Variants in PRSS55 observed in about 807,000 individuals in gnomAD.
PRSS55 encodes probable serine protease UNQ9391/PRO34284.
PRSS55 carries 41 observed loss-of-function variants against 23.6 expected under a neutral mutation model. The observed-to-expected ratio is 1.74, with a 90% CI of 1.35 to 2.26. PRSS55 has a LOEUF of 2.26. PRSS55 is among the 30% of genes most tolerant of loss of function. The pLI, the probability that PRSS55 is intolerant of heterozygous loss-of-function variation, is 0.00. For missense variants in PRSS55, 669 were observed against 439.1 expected (o/e 1.52, Z -4.68); for synonymous variants, 262 against 175.5 (o/e 1.49, Z -3.90).
chr8:10,540,302 T>C (rs12549461), downstream of PRSS55: 34,745 of 152,312 alleles, frequency 0.23, 4,205 homozygotes, highest in East Asian at 0.34. Context: ...TCGAATTTCC[T>C]GGGCCACCAC....
intron 3 of PRSS55, 73 bp from the exon 4 acceptor site, chr8:10,532,833 A>T: frequency 6.3e-7 from 1 of 1,590,210 alleles, no homozygotes; most frequent in Non-Finnish European, 8.6e-7. Context: ...GGCCGAGGGC[A>T]CAGTCAGCTG....
chr8:10,534,563 A>G (rs1432671744), intron 4 of PRSS55, among the ~76,000 whole-genome samples: 4 of 150,122 alleles, frequency 2.7e-5, no homozygotes, highest in African/African-American at 9.9e-5. Flanking sequence ...GGTTACACAT[A>G]CCTCAAAATA....
chr8:10,527,506 TAAG>T (rs1812075074), intron 1 of PRSS55, among the ~76,000 whole-genome samples: 1 of 152,020 alleles, frequency 6.6e-6, no homozygotes, highest in South Asian at 2.1e-4. Flanking sequence ...GGGTAGGAAA[TAAG>T]GAGTCACCAG....
At chr8:10,526,551 G>A (rs1264307619) in intron 1 of PRSS55, among the ~76,000 whole-genome samples, 2 of 152,230 alleles carry the variant, frequency 1.3e-5, no homozygotes, top group African/African-American at 4.8e-5. Flanking sequence ...CCTCTAATGC[G>A]TGATCGCTCA....
At chr8:10,542,568 C>T (rs1043947771), downstream of PRSS55, among the ~76,000 whole-genome samples, 7 of 151,936 alleles carry the variant, frequency 4.6e-5, no homozygotes, top group African/African-American at 1.2e-4. Flanking sequence ...GTAGCCCAAA[C>T]GTCTCCTTAA....
At chr8:10,534,608 T>C (rs1812391978) in intron 4 of PRSS55, among the ~76,000 whole-genome samples, 1 of 152,170 alleles carries the variant, frequency 6.6e-6, no homozygotes, top group African/African-American at 2.4e-5. Context: ...ACAGCCAACA[T>C]TATACTGAAT....
At position 10,531,461 on chromosome 8, in the gene PRSS55, A is replaced by T. The variant is rs757978888; in HGVS notation, c.514A>T (p.Lys172Ter). The change falls in exon 3 of 5, where the codon AAG (lysine) becomes TAG (stop). Residue 172 changes from lysine (K) to a stop codon, truncating the protein, a stop_gained. Coordinates refer to ENST00000328655, the MANE Select transcript of PRSS55 (RefSeq NM_198464.4). LOFTEE classifies it high-confidence loss of function. The stretch of plus-strand genomic sequence containing the variant: ...TTCGCCCATCAAGCTCGATGACCTG[A>T]AGGTGCCCATCTGCCTCCCCACGCA... ...LASPIKLDDL[K>*]VPICLPTQPG... is the part of the protein sequence containing the mutation. The T allele has an allele frequency of 6.2e-7, 1 of 1,614,164 alleles. No homozygotes were observed. Among genetic ancestry groups the T allele is most frequent in the South Asian group, 1.1e-5 (1 of 91,088 alleles).
At chr8:10,525,999 G>T (rs944970699) in intron 1 of PRSS55, among the ~76,000 whole-genome samples, 22 of 152,318 alleles carry the variant, frequency 1.4e-4, no homozygotes, top group Admixed American at 1.4e-3. Context: ...AACTAGCTGA[G>T]ACTGAGTCCT....
chr8:10,546,684 A>C (rs1175671525), intron 4 of PRSS55, among the ~76,000 whole-genome samples: 2 of 151,700 alleles, frequency 1.3e-5, no homozygotes, highest in African/African-American at 4.8e-5. Context: ...GACAAACAAA[A>C]CAAACAAACA....
At chr8:10,527,800 A>G (rs982465433) in intron 1 of PRSS55, among the ~76,000 whole-genome samples, 2 of 152,184 alleles carry the variant, frequency 1.3e-5, no homozygotes, top group African/African-American at 4.8e-5. Flanking sequence ...AAGAGGGCCT[A>G]CCTCAATAGG....
chr8:10,538,785 T>G lies in PRSS55; in HGVS notation c.1051T>G (p.Leu351Val). The G allele has an allele frequency of 6.4e-7, 1 of 1,562,570 alleles. No homozygotes were observed. Among genetic ancestry groups the G allele is most frequent in the Non-Finnish European group, 8.6e-7 (1 of 1,158,080 alleles). ...PLSHVLFRAILY is the reference protein window; with the variant it reads ...PLSHVLFRAIVY Reference sequence around the variant, plus strand: ...GTCCCATGTGTTGTTCAGAGCTATTTTGTACTGATAATAAAATAGAGGCTA... The same window carrying G: ...GTCCCATGTGTTGTTCAGAGCTATTGTGTACTGATAATAAAATAGAGGCTA... The change falls in exon 5 of 5, where the codon TTG (leucine) becomes GTG (valine). Residue 351 changes from leucine to valine, a missense_variant. Transcript: ENST00000328655.
downstream of PRSS55, among the ~76,000 whole-genome samples, chr8:10,543,746 G>C (rs62492811): frequency 0.28 from 41,823 of 151,486 alleles, 6,738 homozygotes; most frequent in South Asian, 0.45. Flanking sequence ...CACTCTCATT[G>C]ACCTTAAAGT....
intron 4 of PRSS55, among the ~76,000 whole-genome samples, chr8:10,547,960 GGAA>G (rs58530967): frequency 0.26 from 38,724 of 151,724 alleles, 5,198 homozygotes; most frequent in Middle Eastern, 0.32. Context: ...AGGAGAACAG[GGAA>G]GAAGGAGTGT....
chr8:10,535,883 C>A (rs9801782), intron 4 of PRSS55, among the ~76,000 whole-genome samples: 28,743 of 152,132 alleles, frequency 0.19, 2,952 homozygotes, highest in East Asian at 0.33. Flanking sequence ...ACTAAACAAC[C>A]TCATTAAAAA....
intron 4 of PRSS55, among the ~76,000 whole-genome samples, chr8:10,550,868 G>C (rs1054758087): frequency 2.6e-5 from 4 of 152,236 alleles, no homozygotes; most frequent in Non-Finnish European, 5.9e-5. Flanking sequence ...CTGTAGGAGT[G>C]CATGGAAAGC....
chr8:10,550,223 C>T (rs1812922508), intron 4 of PRSS55, among the ~76,000 whole-genome samples: 1 of 152,186 alleles, frequency 6.6e-6, no homozygotes, highest in East Asian at 1.9e-4. Context: ...GCGCCCGGCC[C>T]ACAGGGCATT....
intron 4 of PRSS55, among the ~76,000 whole-genome samples, chr8:10,549,680 G>T (rs1010529224): frequency 6.6e-6 from 1 of 152,208 alleles, no homozygotes; most frequent in Non-Finnish European, 1.5e-5. Flanking sequence ...CCTGACGTCG[G>T]TTCCAACGCT....
rs755844852 is a variant in PRSS55, at chr8:10,531,399, C to A, written c.452C>A (p.Ala151Asp). 6.2e-7 allele frequency: 1 copy of A among 1,614,238 alleles called. No homozygotes were observed. The highest frequency in any genetic ancestry group is 1.1e-5 in the South Asian group (1 of 91,084). Residue 151 changes from alanine (A) to aspartate (D), a missense_variant, in exon 3 of 5, where the codon GCC becomes GAC. Physicochemically the swap from Ala to Asp is moderately radical, Grantham distance 126. Coordinates refer to ENST00000328655, the MANE Select transcript of PRSS55 (RefSeq NM_198464.4). The stretch of plus-strand genomic sequence containing the variant: ...ATTCTTCACAAAGACTTTAAGAGAG[C>A]CAACATGGACAATGACATTGCCTTG... ...SIILHKDFKR[A>D]NMDNDIALLL...
chr8:10,534,276 T>C (rs937236413), intron 4 of PRSS55, among the ~76,000 whole-genome samples: 20 of 152,010 alleles, frequency 1.3e-4, no homozygotes, highest in Non-Finnish European at 2.4e-4. Context: ...CTCTGAAAGG[T>C]GAAGAGAAAG....
Sources: allele counts gnomAD v4.1 joint callset (sites outside exome capture counted in the v4.1 genomes callset), GRCh38; gene constraint gnomAD v4.1.1; transcripts MANE v1.5; gene names NCBI Gene and HGNC (gene_info 2026-07-23, HGNC 2026-07-21).